Variants in DCC observed in about 807,000 individuals in gnomAD.
The protein encoded by DCC is netrin receptor DCC.
Under a neutral mutation model 172.5 loss-of-function variants are expected in DCC, and 58 were observed. The observed-to-expected ratio is 0.34, with a 90% CI of 0.27 to 0.42. The LOEUF (loss-of-function observed/expected upper bound fraction) is 0.42. Among genes scored for constraint, DCC ranks in the 10% least tolerant of loss-of-function variants. The probability of loss-of-function intolerance (pLI) is 1.00; values close to 1 mark genes in which losing one functional copy is unlikely to be tolerated. For missense variants in DCC, 1,740 were observed against 1,791.0 expected, an observed-to-expected ratio of 0.97 and a Z score of 0.51; for synonymous variants, 709 against 644.5, an observed-to-expected ratio of 1.10 and a Z score of -1.52.
intron 7 of DCC, among the ~76,000 whole-genome samples, chr18:53,130,552 A>G (rs554131545): frequency 2.0e-5 from 3 of 152,250 alleles, no homozygotes; most frequent in East Asian, 1.9e-4. Context: ...TCTCCTGTCC[A>G]GGTAGAGAAA....
intron 7 of DCC, among the ~76,000 whole-genome samples, chr18:53,148,635 CA>C (rs957496392): frequency 6.6e-6 from 1 of 151,660 alleles, no homozygotes; most frequent in Non-Finnish European, 1.5e-5. Context: ...TAAGAAAATA[CA>C]AAGAGAAAAA....
At chr18:52,893,554 T>C (rs1458969934) in intron 2 of DCC, among the ~76,000 whole-genome samples, 1 of 152,152 alleles carries the variant, frequency 6.6e-6, no homozygotes, top group Non-Finnish European at 1.5e-5. Flanking sequence ...CCAAGTTTCT[T>C]TGTTTATGAA....
chr18:53,506,021 A>G (rs540189611), intron 27 of DCC, among the ~76,000 whole-genome samples: 57 of 152,346 alleles, frequency 3.7e-4, no homozygotes, highest in Non-Finnish European at 7.2e-4. Context: ...TATAGTTTAC[A>G]GAGGACATTT....
intron 1 of DCC, among the ~76,000 whole-genome samples, chr18:52,347,778 A>G (rs1449536095): frequency 6.6e-6 from 1 of 152,170 alleles, no homozygotes; most frequent in Non-Finnish European, 1.5e-5. Context: ...TACTTTGTAC[A>G]ACGTATTTTT....
chr18:52,991,112 G>T (rs776577463), intron 5 of DCC, among the ~76,000 whole-genome samples: 1 of 152,074 alleles, frequency 6.6e-6, no homozygotes, highest in Non-Finnish European at 1.5e-5. Flanking sequence ...GCTCGATTGT[G>T]GACCCATCTC....
intron 1 of DCC, among the ~76,000 whole-genome samples, chr18:52,642,044 ATAC>A (rs2034909163): frequency 8.9e-5 from 1 of 11,296 alleles, no homozygotes; most frequent in Non-Finnish European, 5.1e-4. Flanking sequence ...ATATATATAT[ATAC>A]TGTGGTGTGT....
chr18:52,953,028 A>AAAT (rs2040682314), intron 5 of DCC, among the ~76,000 whole-genome samples: 2 of 143,752 alleles, frequency 1.4e-5, no homozygotes, highest in Non-Finnish European at 3.1e-5. Flanking sequence ...AAAAAAAAAA[A>AAAT]CTCATAACAT....
chr18:53,433,597 G>C (rs773960280), intron 21 of DCC, among the ~76,000 whole-genome samples: 1 of 152,116 alleles, frequency 6.6e-6, no homozygotes, highest in South Asian at 2.1e-4. Context: ...ATCAGCCAAC[G>C]TTGATCTCAC....
chr18:53,101,226 C>G (rs897547067), intron 7 of DCC, among the ~76,000 whole-genome samples: 10 of 152,130 alleles, frequency 6.6e-5, no homozygotes, highest in African/African-American at 2.4e-4. Flanking sequence ...GATGGCGTGT[C>G]TGTCCTTTCT....
intron 1 of DCC, among the ~76,000 whole-genome samples, chr18:52,583,580 T>C (rs1010844608): frequency 3.9e-5 from 6 of 152,334 alleles, no homozygotes; most frequent in Admixed American, 6.5e-5. Context: ...AAATATTCCC[T>C]GAATAATTAG....
chr18:53,108,636 A>G (rs968924105), intron 7 of DCC, among the ~76,000 whole-genome samples: 1 of 151,790 alleles, frequency 6.6e-6, no homozygotes, highest in African/African-American at 2.4e-5. Flanking sequence ...ACCCATCCAG[A>G]AACACTCTAA....
At chr18:52,622,034 G>A (rs756480241) in intron 1 of DCC, among the ~76,000 whole-genome samples, 4 of 152,126 alleles carry the variant, frequency 2.6e-5, no homozygotes, top group African/African-American at 9.7e-5. Context: ...CACACTCACA[G>A]AGAAAAGAGA....
chr18:52,854,263 C>G (rs2039018701), intron 2 of DCC, among the ~76,000 whole-genome samples: 1 of 152,114 alleles, frequency 6.6e-6, no homozygotes, highest in African/African-American at 2.4e-5. Context: ...ATTCAAGGCC[C>G]ATTTATTTTT....
chr18:53,468,775 T>TA (rs2045659593), intron 25 of DCC, among the ~76,000 whole-genome samples: 1 of 152,154 alleles, frequency 6.6e-6, no homozygotes, highest in Non-Finnish European at 1.5e-5. Context: ...GACACCCACT[T>TA]ACTACACACC....
intron 1 of DCC, among the ~76,000 whole-genome samples, chr18:52,662,327 G>C (rs1251879168): frequency 1.3e-5 from 2 of 152,144 alleles, no homozygotes; most frequent in African/African-American, 4.8e-5. Flanking sequence ...CCAGAAAGCA[G>C]AGAGGAGGAA....
At chr18:53,022,970 G>A (rs2041902192) in intron 5 of DCC, among the ~76,000 whole-genome samples, 1 of 152,120 alleles carries the variant, frequency 6.6e-6, no homozygotes. Flanking sequence ...AACGAAGGGA[G>A]TATTAATACC....
At chr18:52,994,344 G>C (rs2041445563) in intron 5 of DCC, among the ~76,000 whole-genome samples, 1 of 152,070 alleles carries the variant, frequency 6.6e-6, no homozygotes, top group East Asian at 1.9e-4. Flanking sequence ...GGGGGAGGCA[G>C]GGGGTAAAGT....
chr18:53,277,132 A>G (rs2056815220), intron 12 of DCC, among the ~76,000 whole-genome samples: 1 of 152,158 alleles, frequency 6.6e-6, no homozygotes, highest in African/African-American at 2.4e-5. Flanking sequence ...ACAGGAATAC[A>G]TTTTAATTTC....
intron 8 of DCC, among the ~76,000 whole-genome samples, chr18:53,166,795 T>C (rs1316283390): frequency 6.6e-6 from 1 of 152,170 alleles, no homozygotes. Context: ...ACATTTCCAG[T>C]CTTCATTATG....
Sources: gnomAD v4.1 joint callset for allele counts (sites outside exome capture counted in the v4.1 genomes callset) on GRCh38, gnomAD v4.1.1 for gene constraint, MANE v1.5 for transcripts, NCBI Gene and HGNC (gene_info 2026-07-23, HGNC 2026-07-21) for gene names.